The following SRGAP3 variants were observed in gnomAD, a reference collection of about 807,000 sequenced individuals.
The protein encoded by SRGAP3 is SLIT-ROBO Rho GTPase activating protein 3, also known as SLIT-ROBO Rho GTPase-activating protein 3.
SRGAP3 carries 39 observed loss-of-function variants against 121.1 expected under a neutral mutation model. The ratio of observed to expected loss-of-function variants is 0.32; its 90% confidence interval spans 0.25 to 0.42. SRGAP3 has a LOEUF of 0.42. SRGAP3 is among the 10% of genes least tolerant of loss of function. The pLI is 1.00. For missense variants in SRGAP3, 1,213 were observed against 1,470.6 expected (o/e 0.82, Z 2.86); for synonymous variants, 601 against 570.0 (o/e 1.05, Z -0.77).
At chr3:9,100,450 A>T (rs1035375860) in intron 3 of SRGAP3, among the ~76,000 whole-genome samples, 3 of 152,238 alleles carry the variant, frequency 2.0e-5, no homozygotes, top group African/African-American at 7.2e-5. Flanking sequence ...GGTGACACCG[A>T]GGAGGAAGAC....
At chr3:9,273,218 T>G (rs190323170) in intron 3 of SRGAP3, among the ~76,000 whole-genome samples, 6 of 152,196 alleles carry the variant, frequency 3.9e-5, no homozygotes, top group Non-Finnish European at 8.8e-5. Flanking sequence ...GCTGATCTGA[T>G]AGGAGGTGGA....
chr3:9,184,671 G>T (rs1401835129), intron 1 of SRGAP3, among the ~76,000 whole-genome samples: 1 of 152,128 alleles, frequency 6.6e-6, no homozygotes, highest in African/African-American at 2.4e-5. Context: ...ATGAGGACAT[G>T]GCCACAGTGT....
intron 1 of SRGAP3, among the ~76,000 whole-genome samples, chr3:9,164,158 T>C (rs919751923): frequency 1.3e-5 from 2 of 149,568 alleles, no homozygotes; most frequent in African/African-American, 4.9e-5. Context: ...CAACCACGCC[T>C]GGCTAATTCT....
At chr3:9,188,322 G>A (rs10490820) in intron 1 of SRGAP3, among the ~76,000 whole-genome samples, 13,704 of 152,256 alleles carry the variant, frequency 0.09, 907 homozygotes, top group East Asian at 0.36. Context: ...TGGATTAGAA[G>A]CAGGTAATTA....
rs1239803224 is a variant in SRGAP3, at chr3:9,109,909, A to G, written c.261-5067T>C. 6.6e-6 allele frequency among the ~76,000 whole-genome samples: 1 copy of G among 152,038 alleles called. No homozygotes were observed. Among genetic ancestry groups the G allele is most frequent in the Non-Finnish European group, 1.5e-5 (1 of 67,992 alleles). ...GGGCCCAAGCATGGTGTTTTGGGGT[A>G]GGAGAGTGAGGACAGCAGGTGAACA... On this transcript the variant is annotated intron_variant, in intron 2 of 21. Coordinates refer to ENST00000383836, the MANE Select transcript of SRGAP3 (RefSeq NM_014850.4). The surrounding 1 kb of genome is among the most constrained non-coding windows in gnomAD (Gnocchi z 4.4).
At chr3:9,282,460 T>G (rs1325857926) in intron 3 of SRGAP3, among the ~76,000 whole-genome samples, 1 of 152,158 alleles carries the variant, frequency 6.6e-6, no homozygotes, top group Non-Finnish European at 1.5e-5. Context: ...GCTTCTCCAT[T>G]CAAGCTGTTA....
At chr3:9,059,907 T>G in intron 6 of SRGAP3, 1 of 391,466 alleles carries the variant, frequency 2.6e-6, no homozygotes, top group South Asian at 2.1e-5. Context: ...CTGTGTATGG[T>G]TCCCCCCTGA....
chr3:9,231,557 C>T (rs62244903), intron 1 of SRGAP3, among the ~76,000 whole-genome samples: 4,153 of 152,196 alleles, frequency 0.027, 82 homozygotes, highest in Middle Eastern at 0.071. Context: ...AGGCCAACAC[C>T]GAACTGTGTG....
intron 3 of SRGAP3, among the ~76,000 whole-genome samples, chr3:9,308,068 T>A (rs1223164624): frequency 6.6e-6 from 1 of 152,162 alleles, no homozygotes; most frequent in African/African-American, 2.4e-5. Flanking sequence ...GGCAGGAGAA[T>A]CACTTGAACC....
chr3:9,075,613 G>A (rs1313886474), intron 4 of SRGAP3, among the ~76,000 whole-genome samples: 1 of 152,162 alleles, frequency 6.6e-6, no homozygotes, highest in Non-Finnish European at 1.5e-5. Context: ...CAAGTGATGG[G>A]TGGCCTTTAG....
At chr3:9,181,050 C>A (rs1951380017) in intron 1 of SRGAP3, among the ~76,000 whole-genome samples, 1 of 152,250 alleles carries the variant, frequency 6.6e-6, no homozygotes, top group Admixed American at 6.5e-5. Context: ...ACCTGGCTTG[C>A]AACCCCAGTT....
intron 3 of SRGAP3, among the ~76,000 whole-genome samples, chr3:9,314,151 T>C (rs141951811): frequency 1.7e-4 from 26 of 152,202 alleles, no homozygotes; most frequent in African/African-American, 5.8e-4. Context: ...AATGAATGAA[T>C]AAAAATACGG....
chr3:9,353,879 G>A (rs1281898185), intron 1 of SRGAP3, among the ~76,000 whole-genome samples: 2 of 152,132 alleles, frequency 1.3e-5, no homozygotes, highest in African/African-American at 4.8e-5. Context: ...CATCCCCACA[G>A]GAATCCAACT....
At chr3:9,350,140 G>A (rs1207491071) in intron 1 of SRGAP3, 3 of 151,762 alleles carry the variant, frequency 2.0e-5, no homozygotes, top group African/African-American at 4.8e-5. Context: ...TATATTTATT[G>A]AGTGCCATCT....
chr3:9,241,496 C>A (rs1953635743), intron 1 of SRGAP3, among the ~76,000 whole-genome samples: 1 of 152,192 alleles, frequency 6.6e-6, no homozygotes, highest in African/African-American at 2.4e-5. Context: ...AACATAACAG[C>A]CTTCACCAAA....
Position 8,990,569 on chromosome 3 carries a change from G to A in SRGAP3, c.2829C>T (p.Ser943=). 1 of 1,586,688 alleles carries A rather than the reference G, an allele frequency of 6.3e-7. No individual in the cohort carries two copies. Among genetic ancestry groups the A allele is most frequent in the African/African-American group, 1.3e-5 (1 of 74,628 alleles). ...EGHSMRSTCG[S]TRHSSLGDHK... is the part of the protein sequence containing the mutation. Reference sequence around the variant, plus strand: ...GGTCCCCTAGGCTGCTGTGCCTGGTGGAACCGCAGGTCGACCTCATCGAGT... The same window carrying A: ...GGTCCCCTAGGCTGCTGTGCCTGGTAGAACCGCAGGTCGACCTCATCGAGT... The change falls in exon 21 of 22, where the codon TCC becomes TCT. Residue 943 remains serine (S), a synonymous_variant. Transcript: ENST00000383836.
intron 3 of SRGAP3, among the ~76,000 whole-genome samples, chr3:9,286,433 G>A (rs560173560): frequency 4.3e-4 from 65 of 152,000 alleles, no homozygotes; most frequent in Non-Finnish European, 8.1e-4. Context: ...GGCTGAGGTG[G>A]GAGGATCACT....
At chr3:9,210,867 T>C (rs1952423457) in intron 1 of SRGAP3, among the ~76,000 whole-genome samples, 1 of 152,132 alleles carries the variant, frequency 6.6e-6, no homozygotes, top group Non-Finnish European at 1.5e-5. Context: ...CATGCAAAGG[T>C]GTCCAGGATA....
intron 1 of SRGAP3, among the ~76,000 whole-genome samples, chr3:9,341,519 T>G (rs1559284658): frequency 6.6e-6 from 1 of 152,192 alleles, no homozygotes; most frequent in African/African-American, 2.4e-5. Flanking sequence ...ATCAGTATTC[T>G]GGGGGGAAAG....
Sources: allele counts gnomAD v4.1 joint callset (sites outside exome capture counted in the v4.1 genomes callset), GRCh38; gene constraint gnomAD v4.1.1; non-coding constraint Gnocchi (gnomAD v3.1); transcripts MANE v1.5; gene names NCBI Gene and HGNC (gene_info 2026-07-23, HGNC 2026-07-21).